The following B3GALT1 variants were observed in gnomAD, a reference collection of about 807,000 sequenced individuals.
The protein encoded by B3GALT1 is beta-1,3-galactosyltransferase 1, also known as UDP-Gal:betaGlcNAc beta 1,3-galactosyltransferase, polypeptide 1.
In B3GALT1, 10 loss-of-function variants were observed where a neutral mutation model predicts 23.2. The observed-to-expected ratio is 0.43, with a 90% CI of 0.27 to 0.73. The LOEUF is 0.73. Among genes scored for constraint, B3GALT1 ranks in the 30% least tolerant of loss-of-function variants. The pLI is 0.21. For synonymous variants in B3GALT1, 156 were observed against 141.5 expected, an observed-to-expected ratio of 1.10 and a Z score of -0.73; for missense variants, 299 against 405.4, an observed-to-expected ratio of 0.74 and a Z score of 2.25.
chr2:167,473,931 G>C (rs2105332428), intron 1 of B3GALT1, among the ~76,000 whole-genome samples: 1 of 152,258 alleles, frequency 6.6e-6, no homozygotes, highest in South Asian at 2.1e-4. Context: ...TCAGATCTGG[G>C]AGTGAACCAT....
intron 1 of B3GALT1, among the ~76,000 whole-genome samples, chr2:167,465,655 A>G (rs969972644): frequency 2.6e-5 from 4 of 152,220 alleles, no homozygotes; most frequent in South Asian, 2.1e-4. Context: ...AGGTGTCAAC[A>G]TATGAATTTT....
At chr2:167,525,362 A>T (rs1164972796) in intron 2 of B3GALT1, among the ~76,000 whole-genome samples, 1 of 152,096 alleles carries the variant, frequency 6.6e-6, no homozygotes, top group Non-Finnish European at 1.5e-5. Flanking sequence ...TCATTTAGCA[A>T]AATATTTAGA....
intron 3 of B3GALT1, among the ~76,000 whole-genome samples, chr2:167,791,880 C>A (rs552310200): frequency 4.3e-4 from 64 of 147,604 alleles, no homozygotes; most frequent in Non-Finnish European, 6.7e-4. Flanking sequence ...GTCATTTAAC[C>A]TGCTCCTAGA....
intron 3 of B3GALT1, among the ~76,000 whole-genome samples, chr2:167,794,545 C>A (rs1180720305): frequency 6.6e-6 from 1 of 152,178 alleles, no homozygotes; most frequent in Admixed American, 6.5e-5. Context: ...CTGACTCCTC[C>A]CTAGCCAACC....
intron 3 of B3GALT1, among the ~76,000 whole-genome samples, chr2:167,658,207 G>A (rs1281849951): frequency 6.6e-6 from 1 of 151,940 alleles, no homozygotes; most frequent in Non-Finnish European, 1.5e-5. Context: ...GAGGGAGACA[G>A]AATATAAACA....
chr2:167,831,427 CAT>C (rs1419202153), intron 4 of B3GALT1, among the ~76,000 whole-genome samples: 2 of 152,166 alleles, frequency 1.3e-5, no homozygotes, highest in African/African-American at 4.8e-5. Context: ...TCTCAAAATT[CAT>C]ATCTTTGGGA....
intron 3 of B3GALT1, among the ~76,000 whole-genome samples, chr2:167,727,473 A>C (rs1687336955): frequency 6.6e-6 from 1 of 152,204 alleles, no homozygotes; most frequent in African/African-American, 2.4e-5. Context: ...AGCCTACCAC[A>C]GTCCATCTTC....
At chr2:167,305,736 A>T (rs1044562909) in intron 1 of B3GALT1, among the ~76,000 whole-genome samples, 12 of 152,070 alleles carry the variant, frequency 7.9e-5, no homozygotes, top group African/African-American at 2.9e-4. Context: ...AACTAATCTC[A>T]TTTGATGATC....
chr2:167,615,684 A>G (rs1685149985), intron 2 of B3GALT1, among the ~76,000 whole-genome samples: 1 of 152,130 alleles, frequency 6.6e-6, no homozygotes, highest in South Asian at 2.1e-4. Flanking sequence ...AAACAATGTT[A>G]AGATTTAGGA....
chr2:167,565,554 A>T (rs1391249875), intron 2 of B3GALT1, among the ~76,000 whole-genome samples: 2 of 152,236 alleles, frequency 1.3e-5, no homozygotes, highest in Non-Finnish European at 2.9e-5. Context: ...AGAAACTACC[A>T]TCAGAGTGAA....
chr2:167,721,002 TTTC>T (rs147465895), intron 3 of B3GALT1, among the ~76,000 whole-genome samples: 1,563 of 152,280 alleles, frequency 0.01, 27 homozygotes, highest in African/African-American at 0.036. Context: ...TTCAGCATTC[TTTC>T]TTCATCTCCT....
chr2:167,620,537 G>T (rs1179575963), intron 2 of B3GALT1, among the ~76,000 whole-genome samples: 1 of 151,934 alleles, frequency 6.6e-6, no homozygotes, highest in African/African-American at 2.4e-5. Flanking sequence ...ATTTATATTT[G>T]CAAATCTCAT....
chr2:167,383,624 T>G (rs1697876128), intron 1 of B3GALT1, among the ~76,000 whole-genome samples: 1 of 152,206 alleles, frequency 6.6e-6, no homozygotes, highest in Admixed American at 6.5e-5. Flanking sequence ...AGGGATCGTA[T>G]TTTTCAGCTC....
chr2:167,449,915 A>T (rs1483972969), intron 1 of B3GALT1, among the ~76,000 whole-genome samples: 1 of 152,114 alleles, frequency 6.6e-6, no homozygotes, highest in Non-Finnish European at 1.5e-5. Flanking sequence ...TACCTGTTAA[A>T]CCATCCCTGC....
At chr2:167,512,600 A>G (rs1700034523) in intron 2 of B3GALT1, among the ~76,000 whole-genome samples, 1 of 103,366 alleles carries the variant, frequency 9.7e-6, no homozygotes, top group Non-Finnish European at 1.7e-5. Context: ...ATGTGTATAT[A>G]TATATATGTA....
chr2:167,341,202 A>G (rs1697141276), intron 1 of B3GALT1, among the ~76,000 whole-genome samples: 1 of 152,212 alleles, frequency 6.6e-6, no homozygotes, highest in Non-Finnish European at 1.5e-5. Flanking sequence ...CCTCAAAACA[A>G]TTCAACAAGG....
In B3GALT1 at chr2:167,869,320, G is replaced by A. The variant is rs138238386; in HGVS notation, c.281G>A (p.Arg94His). 3.7e-6 allele frequency: 6 copies of A among 1,614,084 alleles called. No homozygotes were observed. The highest frequency in any genetic ancestry group is 4.2e-6 in the Non-Finnish European group (5 of 1,180,030). Residue 94 changes from arginine to histidine, a missense_variant, in exon 5 of 5, where the codon CGT becomes CAT. By Grantham distance (29) the Arg-to-His change is conservative. Around this residue, in one of 3 missense-constraint regions of B3GALT1, gnomAD observed 162 missense variants for 184.1 expected, o/e 0.88. Transcript: ENST00000392690. This position sits in a 1 kb window ranked among gnomAD's most constrained non-coding sequence, Gnocchi z 6.4. ...ACCACTCACAAGGAATTTGATGCCC[G>A]TCAGGCAATCAGAGAGACGTGGGGG... ...ISTTHKEFDA[R>H]QAIRETWGDE...
intron 1 of B3GALT1, among the ~76,000 whole-genome samples, chr2:167,314,844 A>G (rs945111806): frequency 6.6e-6 from 1 of 152,122 alleles, no homozygotes; most frequent in Non-Finnish European, 1.5e-5. Flanking sequence ...ACTTTACATA[A>G]GTTATATGGA....
At chr2:167,409,771 G>A (rs550536418) in intron 1 of B3GALT1, among the ~76,000 whole-genome samples, 32 of 151,600 alleles carry the variant, frequency 2.1e-4, no homozygotes, top group Non-Finnish European at 3.8e-4. Flanking sequence ...TAAAAGTCAG[G>A]AAACAACAGA....
Sources: gnomAD v4.1 joint callset for allele counts (sites outside exome capture counted in the v4.1 genomes callset) on GRCh38, gnomAD v4.1.1 for gene constraint, gnomAD v4.1.1 regional missense constraint, Gnocchi (gnomAD v3.1) non-coding constraint, MANE v1.5 for transcripts, NCBI Gene and HGNC (gene_info 2026-07-23, HGNC 2026-07-21) for gene names.